The following BTD variants were observed in gnomAD, a reference collection of about 807,000 sequenced individuals.
The protein encoded by BTD is biocytinase.
Under a neutral mutation model 17.7 loss-of-function variants are expected in BTD, and 13 were observed. The ratio of observed to expected loss-of-function variants is 0.74; its 90% CI spans 0.48 to 1.17. The LOEUF is 1.17. Ranked by LOEUF, BTD falls within the 50% of genes most tolerant of loss-of-function variation. The pLI, the probability that BTD is intolerant of heterozygous loss-of-function variation, is 0.00. For synonymous variants in BTD, 240 were observed against 245.2 expected (o/e 0.98, Z 0.20); for missense variants, 674 against 650.4 (o/e 1.04, Z -0.39).
At chr3:15,684,296 C>T (rs570625424) in intron 3 of BTD, 2 of 152,132 alleles carry the variant, frequency 1.3e-5, no homozygotes, top group Admixed American at 6.6e-5. Flanking sequence ...TGCTTCCCTA[C>T]GTGACCTTTT....
chr3:15,615,220 T>C (rs1337492977), intron 1 of BTD, among the ~76,000 whole-genome samples: 1 of 152,236 alleles, frequency 6.6e-6, no homozygotes, highest in Non-Finnish European at 1.5e-5. Flanking sequence ...GGCATAGAGT[T>C]ACCTGGGTCA....
At position 15,621,474 on chromosome 3, in the gene BTD, T is replaced by C. The variant is rs148101047; in HGVS notation, c.-16-13950T>C. 3.1e-3 allele frequency among the ~76,000 whole-genome samples: 474 copies of C among 152,358 alleles called. 7 individuals are homozygous for C. The Middle Eastern group carries it at 0.065, about 21-fold the overall frequency. On this transcript the variant is annotated intron_variant, in intron 1 of 3. Transcript: ENST00000643237. ...CAATGAACCCACCTGGACTGGGTGA[T>C]CTCTGTTTTAAAATATTTTGAATTA...
chr3:15,694,946 A>G, intron 3 of BTD: 1 of 864,458 alleles, frequency 1.2e-6, no homozygotes, highest in Non-Finnish European at 1.8e-6. Context: ...GATTATTATG[A>G]AAGTATACTA....
intron 1 of BTD, among the ~76,000 whole-genome samples, chr3:15,624,646 C>T (rs1454238921): frequency 6.6e-6 from 1 of 150,874 alleles, no homozygotes; most frequent in Admixed American, 6.6e-5. Context: ...TTCAGTAGAG[C>T]CTGTGGCATA....
intron 1 of BTD, among the ~76,000 whole-genome samples, chr3:15,613,289 C>G (rs2064689776): frequency 6.6e-6 from 1 of 152,092 alleles, no homozygotes; most frequent in Non-Finnish European, 1.5e-5. Flanking sequence ...GTTCACTGTT[C>G]TCCCTGTCTA....
chr3:15,690,049 T>C, intron 3 of BTD: 1 of 1,611,236 alleles, frequency 6.2e-7, no homozygotes, highest in Non-Finnish European at 8.5e-7. Flanking sequence ...CTCTTCAAAA[T>C]GTAATCTTTT....
chr3:15,603,065 T>A lies in BTD; in HGVS notation c.-17+1171T>A, dbSNP rs116246512. 9.4e-3 allele frequency among the ~76,000 whole-genome samples: 1,432 copies of A among 152,188 alleles called. 19 individuals are homozygous for A. The highest frequency in any genetic ancestry group is 0.033 in the African/African-American group (1,369 of 41,508). On this transcript the variant is annotated intron_variant, in intron 1 of 3. Coordinates refer to ENST00000643237, the MANE Select transcript of BTD (RefSeq NM_001370658.1). ...CAGATCTCATGAGACTTACTATCAT[T>A]AGAACAGCATGGGAAAAATCCCCTC... is the stretch of plus-strand genomic sequence containing the variant.
rs146968397 is a variant in BTD at position 15,615,239 on chromosome 3, G to A, written c.-17+13345G>A. Among the ~76,000 whole-genome samples, 678 of 152,298 alleles carry A rather than the reference G, an allele frequency of 4.5e-3. 4 individuals are homozygous for A. Among genetic ancestry groups the A allele is most frequent in the African/African-American group, 0.015 (642 of 41,562 alleles). On this transcript the variant is annotated intron_variant, in intron 1 of 3. Transcript: ENST00000643237. ...TAGAGTTACCTGGGTCATGTATGTT[G>A]TGAGTTTTTGAATCATGAACCCACA...
chr3:15,624,393 T>C (rs1169214034), intron 1 of BTD, among the ~76,000 whole-genome samples: 4 of 152,150 alleles, frequency 2.6e-5, no homozygotes, highest in Admixed American at 6.5e-5. Flanking sequence ...TGTTGATTTT[T>C]TTCTTTTTTT....
intron 1 of BTD, among the ~76,000 whole-genome samples, chr3:15,619,263 T>G (rs2125387135): frequency 6.6e-6 from 1 of 152,390 alleles, no homozygotes; most frequent in East Asian, 1.9e-4. Flanking sequence ...GTATTGTACT[T>G]CGTCAAATAC....
Position 15,645,016 on chromosome 3 carries a change from A to C in BTD, c.1100A>C (p.Asn367Thr). The change falls in exon 4 of 4, where the codon AAC (asparagine) becomes ACC (threonine). Residue 367 changes from asparagine to threonine, a missense_variant. By Grantham distance (65) the Asn-to-Thr change is moderately conservative (BLOSUM62 0). Coordinates refer to ENST00000643237, the MANE Select transcript of BTD (RefSeq NM_001370658.1). ...CACTGTGATGAGGCCACCAAGTGGA[A>C]CGTGAATGCTCCTCCCACATTTCAC... is the stretch of plus-strand genomic sequence containing the variant. ...EVHCDEATKWNVNAPPTFHSE... is the reference protein window; with the variant it reads ...EVHCDEATKWTVNAPPTFHSE... 1.2e-6 allele frequency: 2 copies of C among 1,614,206 alleles called. No individual in the cohort carries two copies. Among genetic ancestry groups the C allele is most frequent in the South Asian group, 2.2e-5 (2 of 91,078 alleles).
chr3:15,680,552 T>C (rs986968328), intron 3 of BTD, among the ~76,000 whole-genome samples: 4 of 152,152 alleles, frequency 2.6e-5, no homozygotes, highest in African/African-American at 2.4e-5. Context: ...AGTATCAAAG[T>C]ATATCATAAA....
Position 15,641,940 on chromosome 3 carries a change from C to A in BTD, c.282C>A (p.Gly94=). 6.2e-7 allele frequency: 1 copy of A among 1,613,460 alleles called. No individual in the cohort carries two copies. The highest frequency in any genetic ancestry group is 1.3e-5 in the African/African-American group (1 of 75,024). ...AGATTATAGTGTTTCCAGAAGATGG[C>A]ATTCATGGATTCAACTTTACAAGAA... ...DVQIIVFPED[G]IHGFNFTRTS... is the part of the protein sequence containing the mutation. The change falls in exon 3 of 4, where the codon GGC becomes GGA. Residue 94 remains glycine (G), a synonymous_variant. Transcript: ENST00000643237.
chr3:15,602,054 C>T (rs1033849563), intron 1 of BTD, 160 bp downstream of exon 1: 11 of 1,464,360 alleles, frequency 7.5e-6, no homozygotes, highest in African/African-American at 2.8e-5. Flanking sequence ...TTGTGCGTTG[C>T]TGCTGTGCTA....
At chr3:15,622,716 A>G (rs1415843584) in intron 1 of BTD, among the ~76,000 whole-genome samples, 1 of 140,446 alleles carries the variant, frequency 7.1e-6, no homozygotes, top group Non-Finnish European at 1.5e-5. Flanking sequence ...TTTTTGCCTC[A>G]TGTATTTTGA....
chr3:15,640,605 G>T (rs1406180165), intron 2 of BTD, among the ~76,000 whole-genome samples: 1 of 152,018 alleles, frequency 6.6e-6, no homozygotes, highest in East Asian at 1.9e-4. Context: ...TGGGCAGGCT[G>T]GTCTTGAACT....
At chr3:15,716,642 T>A (rs140333742), downstream of BTD, among the ~76,000 whole-genome samples, 429 of 151,930 alleles carry the variant, frequency 2.8e-3, 2 homozygotes, top group Middle Eastern at 0.01. Context: ...ATAAGAAGGA[T>A]AAGAAAAACA....
chr3:15,628,761 C>T (rs1413040621), intron 1 of BTD, among the ~76,000 whole-genome samples: 2 of 152,182 alleles, frequency 1.3e-5, no homozygotes, highest in Admixed American at 1.3e-4. Context: ...TAGTTTAAGA[C>T]TTTTTCACAG....
chr3:15,707,958 G>C (rs745306537), intron 3 of BTD: 4 of 1,613,132 alleles, frequency 2.5e-6, no homozygotes, highest in Non-Finnish European at 8.5e-7. Flanking sequence ...GCATAGTGCA[G>C]GGGTGTGCAG....
Sources: allele counts gnomAD v4.1 joint callset (sites outside exome capture counted in the v4.1 genomes callset), GRCh38; gene constraint gnomAD v4.1.1; transcripts MANE v1.5; gene names NCBI Gene and HGNC (gene_info 2026-07-23, HGNC 2026-07-21).